Variants in MAN2A1 observed in about 807,000 individuals in gnomAD.
The protein encoded by MAN2A1 is alpha-mannosidase 2.
MAN2A1 carries 76 observed loss-of-function variants against 142.6 expected under a neutral mutation model. The ratio of observed to expected loss-of-function variants is 0.53; its 90% CI spans 0.44 to 0.65. The LOEUF (loss-of-function observed/expected upper bound fraction) is 0.65, where lower values mean the gene tolerates loss of function less well. Among genes scored for constraint, MAN2A1 ranks in the 30% least tolerant of loss-of-function variants. MAN2A1 has a pLI of 0.00. For missense variants in MAN2A1, 1,311 were observed against 1,365.1 expected (o/e 0.96, Z 0.62); for synonymous variants, 559 against 473.2 (o/e 1.18, Z -2.35).
intron 18 of MAN2A1, among the ~76,000 whole-genome samples, chr5:109,847,028 A>G (rs1755361144): frequency 6.6e-6 from 1 of 152,126 alleles, no homozygotes; most frequent in Non-Finnish European, 1.5e-5. Context: ...AGAAGAGTCC[A>G]GAAGTCTGGA....
intron 16 of MAN2A1, among the ~76,000 whole-genome samples, chr5:109,833,128 C>T (rs1044947143): frequency 4.7e-5 from 7 of 150,536 alleles, no homozygotes; most frequent in African/African-American, 7.4e-5. Context: ...CGGGCAGAGA[C>T]GCTCCTCACT....
chr5:109,793,689 G>A (rs1753791398), intron 12 of MAN2A1, among the ~76,000 whole-genome samples: 1 of 152,164 alleles, frequency 6.6e-6, no homozygotes, highest in Non-Finnish European at 1.5e-5. Flanking sequence ...TTTATACCAT[G>A]AGACCTGAAA....
At chr5:109,810,793 T>G (rs1001487580) in intron 12 of MAN2A1, among the ~76,000 whole-genome samples, 1 of 152,204 alleles carries the variant, frequency 6.6e-6, no homozygotes, top group African/African-American at 2.4e-5. Flanking sequence ...GGCAAATGAT[T>G]ATTATTTTTT....
intron 19 of MAN2A1, among the ~76,000 whole-genome samples, chr5:109,853,379 A>G (rs1341923399): frequency 6.6e-6 from 1 of 152,220 alleles, no homozygotes; most frequent in Non-Finnish European, 1.5e-5. Flanking sequence ...TATGTTGATT[A>G]GAGGTGCCCC....
At chr5:109,709,056 A>G (rs956123414) in intron 1 of MAN2A1, among the ~76,000 whole-genome samples, 1 of 152,176 alleles carries the variant, frequency 6.6e-6, no homozygotes, top group Non-Finnish European at 1.5e-5. Flanking sequence ...CCCAGTGCCT[A>G]CTGAAGCCCT....
intron 4 of MAN2A1, among the ~76,000 whole-genome samples, chr5:109,731,879 T>TAATG (rs1044562507): frequency 4.9e-4 from 74 of 149,682 alleles, no homozygotes; most frequent in African/African-American, 1.7e-3. Context: ...ATATACCCAG[T>TAATG]AATGGGATGG....
At chr5:109,697,666 A>G (rs897146601) in intron 1 of MAN2A1, among the ~76,000 whole-genome samples, 2 of 152,238 alleles carry the variant, frequency 1.3e-5, no homozygotes, top group African/African-American at 2.4e-5. Flanking sequence ...TTTAGTAGTT[A>G]AGACAGAAAC....
intron 4 of MAN2A1, among the ~76,000 whole-genome samples, chr5:109,741,544 T>C (rs983392898): frequency 6.6e-6 from 1 of 152,224 alleles, no homozygotes; most frequent in South Asian, 2.1e-4. Context: ...GGATTAAATC[T>C]GTACCTAAAT....
At chr5:109,801,453 G>T (rs1754029366) in intron 12 of MAN2A1, among the ~76,000 whole-genome samples, 1 of 151,970 alleles carries the variant, frequency 6.6e-6, no homozygotes, top group African/African-American at 2.4e-5. Flanking sequence ...GGGGAAGCAG[G>T]TTTTTTTTGT....
At chr5:109,771,990 C>T (rs1485422214) in intron 7 of MAN2A1, among the ~76,000 whole-genome samples, 5 of 152,168 alleles carry the variant, frequency 3.3e-5, no homozygotes, top group African/African-American at 1.2e-4. Flanking sequence ...ACAATTGCCC[C>T]TCAGGATGAT....
At chr5:109,697,084 A>G (rs1295962100) in intron 1 of MAN2A1, among the ~76,000 whole-genome samples, 1 of 152,238 alleles carries the variant, frequency 6.6e-6, no homozygotes, top group Non-Finnish European at 1.5e-5. Flanking sequence ...ACTTTCTTCC[A>G]GCTGAATTAC....
chr5:109,772,069 T>A (rs1753161230), intron 7 of MAN2A1, among the ~76,000 whole-genome samples: 1 of 152,236 alleles, frequency 6.6e-6, no homozygotes, highest in Non-Finnish European at 1.5e-5. Flanking sequence ...TACTGTTGAA[T>A]GAGTCTATAT....
At chr5:109,739,361 C>T (rs1752199795) in intron 4 of MAN2A1, among the ~76,000 whole-genome samples, 1 of 152,116 alleles carries the variant, frequency 6.6e-6, no homozygotes, top group Admixed American at 6.6e-5. Context: ...TCTGTACTTA[C>T]TGATTTACTA....
chr5:109,786,526 C>T (rs920479279), intron 10 of MAN2A1, among the ~76,000 whole-genome samples: 6 of 152,066 alleles, frequency 3.9e-5, no homozygotes, highest in Middle Eastern at 3.4e-3. Context: ...AAAACTTCCC[C>T]GTGTAGAATT....
At chr5:109,750,773 T>C (rs1234824819) in intron 4 of MAN2A1, among the ~76,000 whole-genome samples, 1 of 152,120 alleles carries the variant, frequency 6.6e-6, no homozygotes, top group Non-Finnish European at 1.5e-5. Flanking sequence ...GTCACTCTGA[T>C]TGAGTCTTAA....
Position 109,729,308 on chromosome 5 carries a change from T to A in MAN2A1, c.536-34T>A, listed in dbSNP as rs148603426. On this transcript the variant is annotated intron_variant, in intron 3 of 21. Coordinates refer to ENST00000261483, the MANE Select transcript of MAN2A1 (RefSeq NM_002372.4). ...CTGAGTTGAAATCAGCCATACGAAT[T>A]AGACCTTTGTGGTATATTTGTGTCT... 4,194 of 1,460,550 alleles carry A rather than the reference T, an allele frequency of 2.9e-3. 102 individuals are homozygous for A. The African/African-American group carries it at 0.052, about 18-fold the overall frequency. The allele number at this position is 1,460,550 out of a possible 1,614,324, so 90.5% of individuals were successfully genotyped here. A position where few individuals can be genotyped will look rare whatever the true frequency, so the allele number is the denominator to read the frequency against.
At position 109,789,477 on chromosome 5, in the gene MAN2A1, A is replaced by T; in HGVS notation, c.1893A>T (p.Ser631=). Residue 631 remains serine (S), a synonymous_variant, in exon 12 of 22, where the codon TCA becomes TCT. Transcript: ENST00000261483. ...TTTTATAGGATTTGAAACAAAAATC[A>T]CAAGATTCTCTGCCACAAAAAAATA... ...TFLEMDLKQK[S]QDSLPQKNII... 1 of 1,587,208 alleles carries T rather than the reference A, an allele frequency of 6.3e-7. No homozygotes were observed. The highest frequency in any genetic ancestry group is 1.8e-4 in the Middle Eastern group (1 of 5,710).
chr5:109,824,248 G>A (rs1176189056), intron 16 of MAN2A1, among the ~76,000 whole-genome samples: 2 of 152,184 alleles, frequency 1.3e-5, no homozygotes, highest in Admixed American at 6.5e-5. Flanking sequence ...AACTTTAAGA[G>A]AAAAATGTTC....
chr5:109,806,019 C>A (rs1272380988), intron 12 of MAN2A1, among the ~76,000 whole-genome samples: 2 of 152,166 alleles, frequency 1.3e-5, no homozygotes, highest in Non-Finnish European at 2.9e-5. Context: ...GTAGCCTAAT[C>A]CTCACCTCCA....
Sources: allele counts gnomAD v4.1 joint callset (sites outside exome capture counted in the v4.1 genomes callset), GRCh38; gene constraint gnomAD v4.1.1; transcripts MANE v1.5; gene names NCBI Gene and HGNC (gene_info 2026-07-23, HGNC 2026-07-21).